PTPRT: variants seen among roughly 807,000 people sequenced by gnomAD.
The protein encoded by PTPRT is protein tyrosine phosphatase receptor type T, also known as receptor-type tyrosine-protein phosphatase T.
Under a neutral mutation model 176.8 loss-of-function variants are expected in PTPRT, and 56 were observed. The ratio of observed to expected loss-of-function variants is 0.32; its 90% CI spans 0.26 to 0.40. PTPRT has a LOEUF of 0.40. Among genes scored for constraint, PTPRT ranks in the 10% least tolerant of loss-of-function variants. PTPRT has a pLI of 1.00. For missense variants in PTPRT, 1,540 were observed against 1,908.2 expected, an observed-to-expected ratio of 0.81 and a Z score of 3.60; for synonymous variants, 783 against 739.0, an observed-to-expected ratio of 1.06 and a Z score of -0.96.
At chr20:42,275,939 A>G (rs2057021562) in intron 13 of PTPRT, among the ~76,000 whole-genome samples, 1 of 152,168 alleles carries the variant, frequency 6.6e-6, no homozygotes, top group African/African-American at 2.4e-5. Context: ...CCCTCCAGCC[A>G]CACAGTCTGA....
intron 7 of PTPRT, among the ~76,000 whole-genome samples, chr20:42,578,971 A>C (rs2073320142): frequency 2.0e-5 from 3 of 150,188 alleles, no homozygotes; most frequent in African/African-American, 7.4e-5. Flanking sequence ...CGTTTGTTAC[A>C]TATGTATACA....
At chr20:42,188,292 T>C (rs1414146753) in intron 16 of PTPRT, among the ~76,000 whole-genome samples, 5 of 152,038 alleles carry the variant, frequency 3.3e-5, no homozygotes, top group East Asian at 1.9e-4. Context: ...TAAAGAAGAA[T>C]GAGAAGAAAT....
At chr20:43,183,396 CAGATGCAGAAAAAA>C (rs2015313916) in intron 1 of PTPRT, among the ~76,000 whole-genome samples, 1 of 152,144 alleles carries the variant, frequency 6.6e-6, no homozygotes, top group Admixed American at 6.5e-5. Context: ...CCCCATTTTA[CAGATGCAGAAAAAA>C]AGATGCAGAG....
chr20:42,662,770 T>C (rs946669613), intron 7 of PTPRT, among the ~76,000 whole-genome samples: 14 of 152,148 alleles, frequency 9.2e-5, no homozygotes, highest in African/African-American at 3.4e-4. Context: ...TTGGTTTGCA[T>C]CTCAGGGCTT....
the PTPRT span, among the ~76,000 whole-genome samples, chr20:42,044,712 TG>T: frequency 6.6e-6 from 1 of 152,228 alleles, no homozygotes; most frequent in Non-Finnish European, 1.5e-5. Flanking sequence ...AGAAACCCAA[TG>T]AGAGAGGTAT....
chr20:42,094,196 GA>G (rs1038854665), intron 27 of PTPRT, among the ~76,000 whole-genome samples: 1 of 152,226 alleles, frequency 6.6e-6, no homozygotes, highest in Non-Finnish European at 1.5e-5. Flanking sequence ...TTGAAAAAGA[GA>G]AGAGCAAACA....
intron 1 of PTPRT, among the ~76,000 whole-genome samples, chr20:42,940,138 C>T (rs941709691): frequency 3.9e-5 from 6 of 152,152 alleles, no homozygotes; most frequent in South Asian, 2.1e-4. Flanking sequence ...TACAGAGGCT[C>T]GAAGTCATTA....
intron 1 of PTPRT, among the ~76,000 whole-genome samples, chr20:43,106,742 C>T (rs180865885): frequency 2.0e-5 from 3 of 148,510 alleles, no homozygotes; most frequent in East Asian, 2.0e-4. Context: ...GGGAGACAGA[C>T]GTATTTGTGG....
chr20:42,780,958 A>G (rs532237861), intron 3 of PTPRT, among the ~76,000 whole-genome samples: 1 of 152,252 alleles, frequency 6.6e-6, no homozygotes, highest in South Asian at 2.1e-4. Flanking sequence ...TAGCATGGCC[A>G]ACATCCTTGA....
intron 7 of PTPRT, among the ~76,000 whole-genome samples, chr20:42,572,905 A>G (rs1601295932): frequency 6.8e-6 from 1 of 147,032 alleles, no homozygotes; most frequent in South Asian, 2.1e-4. Flanking sequence ...GACCTCTAAC[A>G]CTAGAGATAA....
intron 1 of PTPRT, among the ~76,000 whole-genome samples, chr20:43,107,405 ATAAAG>A (rs1225622598): frequency 2.0e-5 from 3 of 152,248 alleles, no homozygotes; most frequent in East Asian, 3.8e-4. Context: ...AATATCTCCC[ATAAAG>A]TAAAGTGGCA....
chr20:42,535,415 C>G (rs368563398), intron 7 of PTPRT, among the ~76,000 whole-genome samples: 4 of 152,068 alleles, frequency 2.6e-5, no homozygotes, highest in Admixed American at 2.6e-4. Flanking sequence ...GTACACCAAC[C>G]CTGTAATATG....
At chr20:42,415,564 G>A (rs747412333) in intron 9 of PTPRT, among the ~76,000 whole-genome samples, 4 of 152,118 alleles carry the variant, frequency 2.6e-5, no homozygotes, top group Non-Finnish European at 5.9e-5. Flanking sequence ...TAGTGGGGAA[G>A]AATAGTATTA....
At chr20:42,976,908 T>A (rs1982989497) in intron 1 of PTPRT, among the ~76,000 whole-genome samples, 1 of 152,190 alleles carries the variant, frequency 6.6e-6, no homozygotes, top group Non-Finnish European at 1.5e-5. Flanking sequence ...TAGAAAACTG[T>A]CAAACTGACA....
intron 1 of PTPRT, among the ~76,000 whole-genome samples, chr20:42,975,658 A>C (rs1568712102): frequency 2.0e-5 from 3 of 152,132 alleles, no homozygotes; most frequent in Non-Finnish European, 4.4e-5. Context: ...GCCTATACCC[A>C]CTACCAATTT....
intron 2 of PTPRT, among the ~76,000 whole-genome samples, chr20:42,845,587 T>C (rs1300183174): frequency 6.6e-6 from 1 of 152,084 alleles, no homozygotes; most frequent in African/African-American, 2.4e-5. Context: ...GGCACACACC[T>C]GCTATACCCA....
At chr20:42,605,417 C>G (rs564884501) in intron 7 of PTPRT, among the ~76,000 whole-genome samples, 4 of 152,166 alleles carry the variant, frequency 2.6e-5, no homozygotes, top group Non-Finnish European at 5.9e-5. Context: ...GGTCTTCAGG[C>G]CCTTGTCACT....
In PTPRT at chr20:42,450,431, A is replaced by G. The variant is rs186861114; in HGVS notation, c.1451-2102T>C. ...CATGTGTATGTGTGTCTTTTTTAGA[A>G]TACTGGAGAGTACAGATTTTGTTTT... On this transcript the variant is annotated intron_variant, in intron 8 of 30. Coordinates refer to ENST00000373187, the MANE Select transcript of PTPRT (RefSeq NM_007050.6). Among the ~76,000 whole-genome samples, 269 of 152,310 alleles carry G rather than the reference A, an allele frequency of 1.8e-3. 1 individual carries two copies. Among genetic ancestry groups the G allele is most frequent in the African/African-American group, 5.9e-3 (246 of 41,572 alleles).
At chr20:42,649,234 G>A (rs1399824057) in intron 7 of PTPRT, among the ~76,000 whole-genome samples, 1 of 152,118 alleles carries the variant, frequency 6.6e-6, no homozygotes, top group African/African-American at 2.4e-5. Context: ...GGCAAAGAGG[G>A]AGAGCTTGTG....
Sources: gnomAD v4.1 joint callset for allele counts (sites outside exome capture counted in the v4.1 genomes callset) on GRCh38, gnomAD v4.1.1 for gene constraint, MANE v1.5 for transcripts, NCBI Gene and HGNC (gene_info 2026-07-23, HGNC 2026-07-21) for gene names.